CDH13: variants seen among roughly 807,000 people sequenced by gnomAD.
The protein encoded by CDH13 is cadherin 13, also known as cadherin-13.
Under a neutral mutation model 63.8 loss-of-function variants are expected in CDH13, and 24 were observed. The ratio of observed to expected loss-of-function variants is 0.38; its 90% CI spans 0.27 to 0.53. The LOEUF (loss-of-function observed/expected upper bound fraction) is 0.53, where lower values mean the gene tolerates loss of function less well. Ranked by LOEUF, CDH13 falls within the 20% of genes least tolerant of loss-of-function variation. CDH13 has a pLI of 0.85. For synonymous variants in CDH13, 503 were observed against 355.3 expected, an observed-to-expected ratio of 1.42 and a Z score of -4.67; for missense variants, 1,049 against 903.1, an observed-to-expected ratio of 1.16 and a Z score of -2.07.
intron 1 of CDH13, among the ~76,000 whole-genome samples, chr16:82,774,944 T>C (rs541740168): frequency 6.6e-6 from 1 of 152,308 alleles, no homozygotes. Context: ...GGTTAAATGC[T>C]TTGACTTGGA....
chr16:82,744,015 G>C (rs1426633429), intron 1 of CDH13, among the ~76,000 whole-genome samples: 1 of 152,172 alleles, frequency 6.6e-6, no homozygotes, highest in East Asian at 1.9e-4. Flanking sequence ...ATGGATAAGG[G>C]ATCCCATTTT....
intron 1 of CDH13, among the ~76,000 whole-genome samples, chr16:82,790,010 C>T (rs1412910575): frequency 1.3e-5 from 2 of 152,270 alleles, no homozygotes; most frequent in East Asian, 3.9e-4. Flanking sequence ...CTTCTGCTCA[C>T]TATGACATGA....
At chr16:83,477,792 A>G (rs955770735) in intron 6 of CDH13, among the ~76,000 whole-genome samples, 1 of 152,036 alleles carries the variant, frequency 6.6e-6, no homozygotes, top group East Asian at 1.9e-4. Context: ...GCTTGCCATA[A>G]CCTCTTTTGT....
intron 1 of CDH13, among the ~76,000 whole-genome samples, chr16:82,838,972 C>G (rs897067726): frequency 1.4e-4 from 22 of 152,346 alleles, no homozygotes; most frequent in African/African-American, 4.6e-4. Flanking sequence ...GGCAGCTACA[C>G]TACTCTACTC....
intron 2 of CDH13, among the ~76,000 whole-genome samples, chr16:83,014,832 ATATATATTTG>A (rs1567746025): frequency 8.1e-6 from 1 of 124,004 alleles, no homozygotes; most frequent in Non-Finnish European, 1.7e-5. Context: ...ATATATTTGT[ATATATATTTG>A]TATATATATA....
At chr16:82,803,927 G>A (rs1274463268) in intron 1 of CDH13, among the ~76,000 whole-genome samples, 4 of 152,112 alleles carry the variant, frequency 2.6e-5, no homozygotes, top group Admixed American at 1.3e-4. Flanking sequence ...ACTGTAATGT[G>A]CACTTAAAAA....
intron 1 of CDH13, among the ~76,000 whole-genome samples, chr16:82,650,124 C>G (rs11866737): frequency 0.23 from 34,262 of 152,166 alleles, 5,347 homozygotes; most frequent in African/African-American, 0.44. Context: ...CAAGTAGTTA[C>G]CTCTCCTGTC....
intron 5 of CDH13, among the ~76,000 whole-genome samples, chr16:83,229,979 G>A (rs1188891716): frequency 6.6e-6 from 1 of 152,156 alleles, no homozygotes; most frequent in Non-Finnish European, 1.5e-5. Flanking sequence ...TTGACAATAA[G>A]ATGCTGGGAG....
intron 6 of CDH13, among the ~76,000 whole-genome samples, chr16:83,439,250 G>A (rs979673941): frequency 3.9e-5 from 6 of 152,158 alleles, no homozygotes; most frequent in South Asian, 2.1e-4. Context: ...GCAATTACTC[G>A]TGAAAAAGAA....
chr16:82,898,115 A>G (rs2041330983), intron 2 of CDH13, among the ~76,000 whole-genome samples: 1 of 152,278 alleles, frequency 6.6e-6, no homozygotes, highest in Non-Finnish European at 1.5e-5. Context: ...AATAGTTTTT[A>G]TACTGATTAC....
At chr16:82,810,034 G>A (rs1454746567) in intron 1 of CDH13, among the ~76,000 whole-genome samples, 3 of 152,162 alleles carry the variant, frequency 2.0e-5, no homozygotes, top group Admixed American at 2.0e-4. Context: ...ATCGCCCGGT[G>A]CCTTAGCACG....
At chr16:82,964,693 G>A (rs754889349) in intron 2 of CDH13, among the ~76,000 whole-genome samples, 3 of 152,186 alleles carry the variant, frequency 2.0e-5, no homozygotes, top group Non-Finnish European at 2.9e-5. Flanking sequence ...TAGAGGTCAG[G>A]TGTAGCCAGT....
intron 2 of CDH13, among the ~76,000 whole-genome samples, chr16:82,892,774 A>C (rs188095572): frequency 2.6e-5 from 4 of 152,232 alleles, no homozygotes; most frequent in Admixed American, 6.5e-5. Flanking sequence ...TGAATTTTTC[A>C]AATTACTAAA....
rs1450073573 is a variant in CDH13, at chr16:82,676,741, T to C, written c.45+49604T>C. On this transcript the variant is annotated intron_variant, in intron 1 of 13. Transcript: ENST00000567109. The stretch of plus-strand genomic sequence containing the variant: ...AAGACCTTGCATGAGATGCACTTTC[T>C]GAGACCAGCCCCTCCATTCTCCTTT... Among the ~76,000 whole-genome samples the C allele has an allele frequency of 3.3e-5, 5 of 152,206 alleles. No individual in the cohort carries two copies. The South Asian group carries it at 6.2e-4, about 19-fold the overall frequency.
At chr16:83,014,637 A>G (rs1212362449) in intron 2 of CDH13, among the ~76,000 whole-genome samples, 9 of 149,736 alleles carry the variant, frequency 6.0e-5, no homozygotes, top group Non-Finnish European at 1.0e-4. Context: ...AGGCTGAGGC[A>G]GGAGAATTGC....
intron 5 of CDH13, among the ~76,000 whole-genome samples, chr16:83,282,944 T>C (rs996456238): frequency 1.3e-5 from 2 of 152,238 alleles, no homozygotes; most frequent in African/African-American, 4.8e-5. Context: ...ATAATTTGTA[T>C]AATGCTCTAG....
At chr16:83,484,521 G>A (rs1275467050) in intron 6 of CDH13, among the ~76,000 whole-genome samples, 1 of 152,234 alleles carries the variant, frequency 6.6e-6, no homozygotes, top group Admixed American at 6.5e-5. Context: ...CAGCAGGCAT[G>A]TTTTTGTTGG....
intron 6 of CDH13, among the ~76,000 whole-genome samples, chr16:83,352,221 T>C (rs557596041): frequency 1.3e-5 from 2 of 151,772 alleles, no homozygotes; most frequent in African/African-American, 4.8e-5. Flanking sequence ...ACACGTTTTA[T>C]GAAAGAGTTG....
At position 83,123,480 on chromosome 16, in the gene CDH13, T is replaced by A. The variant is rs183961309; in HGVS notation, c.367-1905T>A. Among the ~76,000 whole-genome samples, 743 of 152,202 alleles carry A rather than the reference T, an allele frequency of 4.9e-3. 6 individuals carry two copies. The highest frequency in any genetic ancestry group is 0.017 in the African/African-American group (708 of 41,522). ...TTTTAGTAGAGACGAGGTTTCTCCA[T>A]GTTGGTCAGGCTGGTCTCAAACTCC... On this transcript the variant is annotated intron_variant, in intron 3 of 13. Coordinates refer to ENST00000567109, the MANE Select transcript of CDH13 (RefSeq NM_001257.5).
Sources: allele counts gnomAD v4.1 joint callset (sites outside exome capture counted in the v4.1 genomes callset), GRCh38; gene constraint gnomAD v4.1.1; transcripts MANE v1.5; gene names NCBI Gene and HGNC (gene_info 2026-07-23, HGNC 2026-07-21).